SCFD2: variants seen among roughly 807,000 people sequenced by gnomAD.
SCFD2 encodes sec1 family domain-containing protein 2.
A neutral mutation model predicts 58.9 loss-of-function variants in SCFD2; 54 were observed. The observed-to-expected ratio is 0.92, with a 90% CI of 0.74 to 1.15. SCFD2 has a LOEUF of 1.15. Ranked by LOEUF, SCFD2 falls within the 50% of genes most tolerant of loss-of-function variation. SCFD2 has a pLI of 0.00. For missense variants in SCFD2, 805 were observed against 836.6 expected (o/e 0.96, Z 0.47); for synonymous variants, 321 against 335.9 (o/e 0.96, Z 0.49).
At chr4:53,190,338 C>G (rs1426576937) in intron 4 of SCFD2, among the ~76,000 whole-genome samples, 2 of 152,254 alleles carry the variant, frequency 1.3e-5, no homozygotes, top group Admixed American at 1.3e-4. Context: ...TTGACCTCGG[C>G]TGTTCTCCTT....
intron 3 of SCFD2, among the ~76,000 whole-genome samples, chr4:53,275,909 GTTTA>G (rs1731312185): frequency 6.6e-6 from 1 of 152,012 alleles, no homozygotes; most frequent in Non-Finnish European, 1.5e-5. Context: ...ATGTATCATA[GTTTA>G]TTTAGCCATT....
chr4:53,248,407 G>T (rs986409465), intron 4 of SCFD2, among the ~76,000 whole-genome samples: 3 of 152,220 alleles, frequency 2.0e-5, no homozygotes, highest in Non-Finnish European at 4.4e-5. Flanking sequence ...AATTCGAACT[G>T]GGTGGAGCCC....
intron 4 of SCFD2, among the ~76,000 whole-genome samples, chr4:53,152,791 T>C (rs574806382): frequency 2.2e-4 from 33 of 152,294 alleles, no homozygotes; most frequent in Admixed American, 1.0e-3. Context: ...AATGGTGGTA[T>C]AGAAATTGGG....
intron 6 of SCFD2, among the ~76,000 whole-genome samples, chr4:52,914,106 T>C (rs1719549238): frequency 6.6e-6 from 1 of 152,218 alleles, no homozygotes; most frequent in African/African-American, 2.4e-5. Flanking sequence ...ATTTAACCTT[T>C]GGTTAACTTT....
chr4:53,263,460 C>T (rs552474305), intron 4 of SCFD2, among the ~76,000 whole-genome samples: 63 of 152,160 alleles, frequency 4.1e-4, no homozygotes, highest in Non-Finnish European at 7.8e-4. Context: ...GAACTGTTCT[C>T]CCTCTTCCCC....
chr4:52,883,706 T>G (rs1301110864), intron 8 of SCFD2, among the ~76,000 whole-genome samples: 1 of 152,162 alleles, frequency 6.6e-6, no homozygotes, highest in African/African-American at 2.4e-5. Context: ...CAGCAAGAAG[T>G]GTGGTTTCTG....
intron 2 of SCFD2, among the ~76,000 whole-genome samples, chr4:53,347,035 G>GT (rs1260124379): frequency 6.6e-6 from 1 of 152,132 alleles, no homozygotes; most frequent in African/African-American, 2.4e-5. Flanking sequence ...ACTTCTCACT[G>GT]TGTCTCCAGT....
At chr4:53,193,985 A>G (rs1458620233) in intron 4 of SCFD2, among the ~76,000 whole-genome samples, 1 of 152,224 alleles carries the variant, frequency 6.6e-6, no homozygotes, top group Non-Finnish European at 1.5e-5. Context: ...GTCATAAAAT[A>G]GAGTGCTATA....
chr4:53,095,486 CACTT>C (rs1724595204), intron 5 of SCFD2, among the ~76,000 whole-genome samples: 1 of 152,146 alleles, frequency 6.6e-6, no homozygotes, highest in Admixed American at 6.6e-5. Flanking sequence ...CATCACCTCT[CACTT>C]AGATTACTCT....
intron 5 of SCFD2, among the ~76,000 whole-genome samples, chr4:53,051,637 T>C (rs1467087652): frequency 1.3e-5 from 2 of 152,162 alleles, no homozygotes; most frequent in Non-Finnish European, 2.9e-5. Flanking sequence ...TTTAATTACA[T>C]TGGTTAATAC....
chr4:53,301,019 C>T (rs1271965664), intron 3 of SCFD2, among the ~76,000 whole-genome samples: 1 of 152,002 alleles, frequency 6.6e-6, no homozygotes, highest in African/African-American at 2.4e-5. Flanking sequence ...AATTGACACT[C>T]TAACATCACA....
intron 4 of SCFD2, among the ~76,000 whole-genome samples, chr4:53,256,010 G>T (rs1287167497): frequency 2.7e-5 from 4 of 149,466 alleles, no homozygotes; most frequent in African/African-American, 7.4e-5. Flanking sequence ...GGCTGGCCGG[G>T]CGGGGGTCTG....
intron 5 of SCFD2, among the ~76,000 whole-genome samples, chr4:52,994,742 G>A (rs866156906): frequency 6.6e-6 from 1 of 152,098 alleles, no homozygotes; most frequent in Non-Finnish European, 1.5e-5. Context: ...CATAGTTTCT[G>A]TCCTCACTGT....
chr4:53,133,628 TA>T (rs1180107974), intron 5 of SCFD2, among the ~76,000 whole-genome samples: 1 of 152,228 alleles, frequency 6.6e-6, no homozygotes, highest in Non-Finnish European at 1.5e-5. Flanking sequence ...AATAGATTTT[TA>T]CTACTGGTTG....
chr4:53,074,811 G>A (rs1326861292), intron 5 of SCFD2, among the ~76,000 whole-genome samples: 2 of 152,150 alleles, frequency 1.3e-5, no homozygotes, highest in Non-Finnish European at 2.9e-5. Flanking sequence ...TCCAGGGTTT[G>A]TTGTTCCACT....
chr4:53,301,376 T>A (rs1732284965), intron 3 of SCFD2, among the ~76,000 whole-genome samples: 1 of 152,032 alleles, frequency 6.6e-6, no homozygotes, highest in Admixed American at 6.5e-5. Context: ...CCTCAACACA[T>A]ACACTCTCCC....
chr4:53,270,899 C>A lies in SCFD2; in HGVS notation c.1311+2927G>T, dbSNP rs548546477. Among the ~76,000 whole-genome samples, 3 of 152,178 alleles carry A rather than the reference C, an allele frequency of 2.0e-5. No homozygotes were observed. The South Asian group carries it at 6.2e-4, about 32-fold the overall frequency. On this transcript the variant is annotated intron_variant, in intron 4 of 8. Coordinates refer to ENST00000401642, the MANE Select transcript of SCFD2 (RefSeq NM_152540.4). ...TTTTATTTGGGATCTTAGTATATTACATATTAATGGGAAAAAGATGAGTGT... is the reference window on the plus strand; with the variant it reads ...TTTTATTTGGGATCTTAGTATATTAAATATTAATGGGAAAAAGATGAGTGT...
intron 5 of SCFD2, among the ~76,000 whole-genome samples, chr4:53,000,605 G>T (rs2148800188): frequency 6.6e-6 from 1 of 152,300 alleles, no homozygotes; most frequent in Middle Eastern, 3.4e-3. Flanking sequence ...AAGTTCCCAG[G>T]CCATAGCGCC....
At chr4:53,024,978 T>C (rs552065036) in intron 5 of SCFD2, among the ~76,000 whole-genome samples, 1 of 152,328 alleles carries the variant, frequency 6.6e-6, no homozygotes, top group East Asian at 1.9e-4. Flanking sequence ...GTCCCACTGG[T>C]TATACTCTAC....
Sources: allele counts gnomAD v4.1 joint callset (sites outside exome capture counted in the v4.1 genomes callset), GRCh38; gene constraint gnomAD v4.1.1; transcripts MANE v1.5; gene names NCBI Gene and HGNC (gene_info 2026-07-23, HGNC 2026-07-21).